SGMS1: variants seen among roughly 807,000 people sequenced by gnomAD.
SGMS1 encodes the protein sphingomyelin synthase 1, also known as phosphatidylcholine:ceramide cholinephosphotransferase 1.
Under a neutral mutation model 46.2 loss-of-function variants are expected in SGMS1, and 13 were observed. The ratio of observed to expected loss-of-function variants is 0.28; its 90% CI spans 0.18 to 0.45. The LOEUF (loss-of-function observed/expected upper bound fraction) is 0.45. Ranked by LOEUF, SGMS1 falls within the 20% of genes least tolerant of loss-of-function variation. The pLI is 1.00. For synonymous variants in SGMS1, 203 were observed against 187.8 expected (o/e 1.08, Z -0.66); for missense variants, 324 against 519.9 (o/e 0.62, Z 3.66).
At chr10:50,453,507 C>G (rs1401463704) in intron 5 of SGMS1, among the ~76,000 whole-genome samples, 5 of 151,298 alleles carry the variant, frequency 3.3e-5, no homozygotes, top group Non-Finnish European at 7.4e-5. Context: ...GAAGAAAGAA[C>G]TGGGGAACCA....
intron 1 of SGMS1, among the ~76,000 whole-genome samples, chr10:50,606,162 G>GA (rs903836993): frequency 6.0e-4 from 92 of 152,148 alleles, no homozygotes; most frequent in Non-Finnish European, 4.9e-4. Flanking sequence ...AAAAAGGAAG[G>GA]AAATTCTGAC....
intron 3 of SGMS1, among the ~76,000 whole-genome samples, chr10:50,479,038 A>C (rs1401595328): frequency 6.8e-6 from 1 of 147,636 alleles, no homozygotes; most frequent in African/African-American, 2.5e-5. Flanking sequence ...TCCATTAAAA[A>C]CCCTTCTTTG....
At position 50,359,270 on chromosome 10, in the gene SGMS1, A is replaced by G. The variant is rs1848207373; in HGVS notation, c.-231-14925T>C. Among the ~76,000 whole-genome samples the G allele has an allele frequency of 3.9e-5, 6 of 152,188 alleles. No homozygotes were observed. In the South Asian group the frequency reaches 8.3e-4, roughly 21 times the overall value. On this transcript the variant is annotated intron_variant, in intron 6 of 10. Transcript: ENST00000361781. ...GTCTCCTCCACACTGTGTTTATTCA[A>G]TAATGTTTAATACTTAGATTTCACA...
intron 3 of SGMS1, among the ~76,000 whole-genome samples, chr10:50,485,710 G>A (rs1837515347): frequency 2.0e-5 from 3 of 152,110 alleles, no homozygotes; most frequent in Admixed American, 1.3e-4. Flanking sequence ...GAGCAGCCTG[G>A]CCAATGTGGT....
At chr10:50,443,425 GAGA>G (rs1849570172) in intron 5 of SGMS1, among the ~76,000 whole-genome samples, 1 of 151,916 alleles carries the variant, frequency 6.6e-6, no homozygotes, top group Non-Finnish European at 1.5e-5. Context: ...GACAACATAT[GAGA>G]AGAAGAAGAG....
At chr10:50,408,972 T>A (rs1408727886) in intron 6 of SGMS1, among the ~76,000 whole-genome samples, 2 of 152,218 alleles carry the variant, frequency 1.3e-5, no homozygotes, top group Non-Finnish European at 2.9e-5. Context: ...CTTACTCAGA[T>A]AACTTAGTTA....
intron 6 of SGMS1, among the ~76,000 whole-genome samples, chr10:50,427,313 G>C (rs183359427): frequency 2.6e-5 from 4 of 152,162 alleles, no homozygotes; most frequent in Non-Finnish European, 5.9e-5. Context: ...GCAGGAGAAC[G>C]GCATGAACCC....
At chr10:50,343,355 G>A in intron 7 of SGMS1, 137 bp downstream of exon 7, 1 of 935,670 alleles carries the variant, frequency 1.1e-6, no homozygotes, top group African/African-American at 1.7e-5. Context: ...AGTCCAACAG[G>A]GTATGTGTTT....
intron 2 of SGMS1, among the ~76,000 whole-genome samples, chr10:50,573,413 G>A (rs1188479094): frequency 6.6e-6 from 1 of 151,932 alleles, no homozygotes; most frequent in African/African-American, 2.4e-5. Context: ...ATCCAAAAAG[G>A]AAACTAAGAA....
chr10:50,543,902 G>T (rs1228091059), intron 2 of SGMS1, among the ~76,000 whole-genome samples: 1 of 152,056 alleles, frequency 6.6e-6, no homozygotes, highest in Non-Finnish European at 1.5e-5. Context: ...CAGAAAATTG[G>T]TCACTACAGG....
At chr10:50,471,964 T>C (rs1837382547) in intron 3 of SGMS1, among the ~76,000 whole-genome samples, 1 of 152,220 alleles carries the variant, frequency 6.6e-6, no homozygotes, top group South Asian at 2.1e-4. Context: ...AGACAGACAT[T>C]GGTTCGCACC....
chr10:50,623,075 G>A (rs1052319959), intron 1 of SGMS1, among the ~76,000 whole-genome samples: 9 of 152,048 alleles, frequency 5.9e-5, no homozygotes, highest in Non-Finnish European at 1.3e-4. Context: ...CCGCCCGCGA[G>A]CCTGGCGGGC....
intron 7 of SGMS1, chr10:50,328,082 C>T (rs1234769013): frequency 2.6e-6 from 1 of 388,078 alleles, no homozygotes; most frequent in African/African-American, 2.2e-5. Flanking sequence ...TTATTAGGTT[C>T]TAACAAAATT....
At chr10:50,395,265 G>T (rs1319184963) in intron 6 of SGMS1, among the ~76,000 whole-genome samples, 1 of 152,196 alleles carries the variant, frequency 6.6e-6, no homozygotes, top group Non-Finnish European at 1.5e-5. Flanking sequence ...CACACGAGTT[G>T]TTGGGATCCC....
chr10:50,493,945 G>A (rs1035342900), intron 3 of SGMS1, among the ~76,000 whole-genome samples: 2 of 152,140 alleles, frequency 1.3e-5, no homozygotes, highest in African/African-American at 4.8e-5. Context: ...TTACAGTTGT[G>A]TGCCACCACG....
intron 6 of SGMS1, among the ~76,000 whole-genome samples, chr10:50,355,965 C>A (rs1848140015): frequency 6.6e-6 from 1 of 152,012 alleles, no homozygotes; most frequent in Non-Finnish European, 1.5e-5. Flanking sequence ...GACCGGCCGC[C>A]CCGTCTGAGA....
At chr10:50,522,004 A>G (rs537238567) in intron 2 of SGMS1, among the ~76,000 whole-genome samples, 9 of 152,166 alleles carry the variant, frequency 5.9e-5, no homozygotes, top group Non-Finnish European at 1.2e-4. Context: ...TTTAGTATCC[A>G]TTAGTGATGT....
intron 6 of SGMS1, among the ~76,000 whole-genome samples, chr10:50,390,242 C>G (rs1366515157): frequency 6.6e-6 from 1 of 152,174 alleles, no homozygotes; most frequent in East Asian, 1.9e-4. Context: ...AGGAAATACA[C>G]CTGCAGCAGA....
At chr10:50,524,925 T>C (rs1046575556) in intron 2 of SGMS1, among the ~76,000 whole-genome samples, 3 of 152,178 alleles carry the variant, frequency 2.0e-5, no homozygotes, top group Non-Finnish European at 4.4e-5. Context: ...AAGAGACCTA[T>C]AAACTAACAT....
Sources: allele counts gnomAD v4.1 joint callset (sites outside exome capture counted in the v4.1 genomes callset), GRCh38; gene constraint gnomAD v4.1.1; transcripts MANE v1.5; gene names NCBI Gene and HGNC (gene_info 2026-07-23, HGNC 2026-07-21).